Variants in PTPN4 observed in about 807,000 individuals in gnomAD.
The protein encoded by PTPN4 is protein tyrosine phosphatase non-receptor type 4.
Under a neutral mutation model 135.5 loss-of-function variants are expected in PTPN4, and 49 were observed. The observed-to-expected ratio is 0.36, with a 90% CI of 0.29 to 0.46. The LOEUF (loss-of-function observed/expected upper bound fraction) is 0.46. Ranked by LOEUF, PTPN4 falls within the 20% of genes least tolerant of loss-of-function variation. The probability of loss-of-function intolerance (pLI) is 1.00; values close to 1 mark genes in which losing one functional copy is unlikely to be tolerated. For synonymous variants in PTPN4, 333 were observed against 369.9 expected (o/e 0.90, Z 1.14); for missense variants, 860 against 1,101.0 (o/e 0.78, Z 3.10).
chr2:119,967,000 C>T (rs1000291134), intron 25 of PTPN4, among the ~76,000 whole-genome samples: 11 of 152,314 alleles, frequency 7.2e-5, no homozygotes, highest in African/African-American at 2.6e-4. Context: ...AGTTTCAAAT[C>T]TTCAAAACAG....
chr2:119,808,624 G>A (rs1691525757), intron 1 of PTPN4, among the ~76,000 whole-genome samples: 1 of 152,118 alleles, frequency 6.6e-6, no homozygotes, highest in African/African-American at 2.4e-5. Context: ...GGGCCTCCCT[G>A]TGTTTTCCAG....
intron 2 of PTPN4, among the ~76,000 whole-genome samples, chr2:119,824,287 G>T (rs955166281): frequency 2.6e-5 from 4 of 152,156 alleles, no homozygotes; most frequent in Admixed American, 6.5e-5. Context: ...TTTTGGGGGG[G>T]AGGCAGGGCG....
intron 9 of PTPN4, among the ~76,000 whole-genome samples, chr2:119,887,568 GAT>G (rs961251506): frequency 2.0e-5 from 3 of 152,210 alleles, no homozygotes; most frequent in African/African-American, 7.2e-5. Context: ...GTAAGAGCTA[GAT>G]GTCCAGTTTT....
rs1370771445 is a variant in PTPN4, at chr2:119,786,295, C to T, written c.-17-23542C>T. Reference sequence around the variant, plus strand: ...GTCTTAAAAAATTTTATTTTCTAGTCACTTTTATTGTATTTGCAAACATAC... The same window carrying T: ...GTCTTAAAAAATTTTATTTTCTAGTTACTTTTATTGTATTTGCAAACATAC... On this transcript the variant is annotated intron_variant, in intron 1 of 26. Transcript: ENST00000263708. Among the ~76,000 whole-genome samples the T allele has an allele frequency of 2.6e-5, 4 of 152,128 alleles. No homozygotes were observed. In the East Asian group the frequency reaches 5.8e-4, roughly 22 times the overall value.
intron 2 of PTPN4, among the ~76,000 whole-genome samples, chr2:119,823,558 C>T (rs905500413): frequency 3.9e-5 from 6 of 152,078 alleles, no homozygotes; most frequent in Non-Finnish European, 8.8e-5. Context: ...TATCAGTATT[C>T]CTTGAGGATT....
chr2:119,970,661 T>G (rs1679518775), intron 26 of PTPN4, among the ~76,000 whole-genome samples: 1 of 152,268 alleles, frequency 6.6e-6, no homozygotes, highest in Admixed American at 6.5e-5. Flanking sequence ...TGTTCAATAA[T>G]ATTTCATTGT....
intron 2 of PTPN4, among the ~76,000 whole-genome samples, chr2:119,851,309 A>G (rs764469863): frequency 6.6e-6 from 1 of 152,170 alleles, no homozygotes; most frequent in Non-Finnish European, 1.5e-5. Flanking sequence ...ACTGAGGGTC[A>G]TATGGTAGAA....
At chr2:119,967,756 A>T in intron 25 of PTPN4, 81 bp from the exon 26 acceptor site, 1 of 1,109,152 alleles carries the variant, frequency 9.0e-7, no homozygotes, top group Non-Finnish European at 1.2e-6. Flanking sequence ...TCTGTGTTAT[A>T]ATTCAGTTTT....
chr2:119,959,455 T>C (rs1045568361), intron 22 of PTPN4, among the ~76,000 whole-genome samples: 1 of 152,210 alleles, frequency 6.6e-6, no homozygotes, highest in Non-Finnish European at 1.5e-5. Context: ...AAATATACTA[T>C]GGGGCCAGGC....
chr2:119,863,924 G>T (rs1677795113), intron 3 of PTPN4, among the ~76,000 whole-genome samples: 2 of 152,132 alleles, frequency 1.3e-5, no homozygotes, highest in South Asian at 4.1e-4. Context: ...TGTCAGTAAT[G>T]CAGCCTTTCC....
chr2:119,860,241 G>T (rs78359409), intron 2 of PTPN4, among the ~76,000 whole-genome samples: 1 of 152,162 alleles, frequency 6.6e-6, no homozygotes, highest in East Asian at 1.9e-4. Context: ...ATTTGCAGGC[G>T]ATTTAAATGG....
At chr2:119,880,406 C>A (rs1293767511) in intron 5 of PTPN4, among the ~76,000 whole-genome samples, 2 of 151,932 alleles carry the variant, frequency 1.3e-5, no homozygotes, top group African/African-American at 4.8e-5. Context: ...TTGTTTCTTA[C>A]CAGGAACCTT....
Position 119,881,792 on chromosome 2 carries a change from G to T in PTPN4, c.375G>T (p.Gln125His), listed in dbSNP as rs1417083204. The T allele has an allele frequency of 1.3e-6, 2 of 1,559,352 alleles. No individual in the cohort carries two copies. Among genetic ancestry groups the T allele is most frequent in the East Asian group, 4.5e-5 (2 of 44,252 alleles). Residue 125 changes from glutamine to histidine, a missense_variant, in exon 6 of 27, where the codon CAG (glutamine) becomes CAT (histidine). Gln to His is a conservative substitution (Grantham distance 24). Coordinates refer to ENST00000263708, the MANE Select transcript of PTPN4 (RefSeq NM_002830.4). ...TTGTTTGTTTGTTTTTAAGGTACCA[G>T]TATTTTTTGCAAATTAAACAAGACA... ...NKLQEEYTRY[Q>H]YFLQIKQDIL...
intron 26 of PTPN4, among the ~76,000 whole-genome samples, chr2:119,976,413 C>G (rs527515888): frequency 6.6e-6 from 1 of 151,688 alleles, no homozygotes; most frequent in Non-Finnish European, 1.5e-5. Flanking sequence ...ATATATTATA[C>G]GTACTTTACC....
intron 25 of PTPN4, among the ~76,000 whole-genome samples, chr2:119,966,071 A>T (rs753272268): frequency 6.6e-6 from 1 of 152,188 alleles, no homozygotes; most frequent in Non-Finnish European, 1.5e-5. Context: ...ACAGGTTCTC[A>T]TGAGGGTCTA....
chr2:119,819,942 G>A (rs1049795332), intron 2 of PTPN4, among the ~76,000 whole-genome samples: 9 of 152,030 alleles, frequency 5.9e-5, no homozygotes, highest in African/African-American at 1.7e-4. Flanking sequence ...TTTAGTGCAG[G>A]CTTGAACTCC....
At position 119,948,866 on chromosome 2, in the gene PTPN4, A is replaced by G. The variant is rs1037316048; in HGVS notation, c.1656+2292A>G. Among the ~76,000 whole-genome samples, 25 of 152,298 alleles carry G rather than the reference A, an allele frequency of 1.6e-4. 1 individual carries two copies. Among genetic ancestry groups the G allele is most frequent in the Middle Eastern group, 6.8e-3 (2 of 294 alleles). Reference sequence around the variant, plus strand: ...AGAAAAATTCTGGAAACGTGCTAAAAAAGTTAACAGTGGGTAATGGAATTA... The same window carrying G: ...AGAAAAATTCTGGAAACGTGCTAAAGAAGTTAACAGTGGGTAATGGAATTA... On this transcript the variant is annotated intron_variant, in intron 18 of 26. Coordinates refer to ENST00000263708, the MANE Select transcript of PTPN4 (RefSeq NM_002830.4).
intron 1 of PTPN4, among the ~76,000 whole-genome samples, chr2:119,761,846 A>T (rs1034664428): frequency 6.6e-6 from 1 of 152,206 alleles, no homozygotes; most frequent in Non-Finnish European, 1.5e-5. Flanking sequence ...ATATTAATTG[A>T]GTAGGTCCAT....
rs1208899827 is a variant in PTPN4, at chr2:119,881,769, G to C, written c.369-17G>C. On this transcript the variant is annotated splice_polypyrimidine_tract_variant and intron_variant, in intron 5 of 26. Coordinates refer to ENST00000263708, the MANE Select transcript of PTPN4 (RefSeq NM_002830.4). ...AATTCTATTAAATGCTATCCTTTTT[G>C]TTTGTTTGTTTTTAAGGTACCAGTA... is the stretch of plus-strand genomic sequence containing the variant. The C allele has an allele frequency of 6.7e-7, 1 of 1,499,662 alleles. No homozygotes were observed. The highest frequency in any genetic ancestry group is 9.2e-7 in the Non-Finnish European group (1 of 1,090,656). The allele number at this position is 1,499,662 out of a possible 1,614,324, so 92.9% of individuals were successfully genotyped here.
Sources: gnomAD v4.1 joint callset for allele counts (sites outside exome capture counted in the v4.1 genomes callset) on GRCh38, gnomAD v4.1.1 for gene constraint, MANE v1.5 for transcripts, NCBI Gene and HGNC (gene_info 2026-07-23, HGNC 2026-07-21) for gene names.